Variants in SANBR observed in about 807,000 individuals in gnomAD.
SANBR encodes the protein SANT and BTB domain regulator of class switch recombination.
Under a neutral mutation model 101.8 loss-of-function variants are expected in SANBR, and 77 were observed. The observed-to-expected ratio is 0.76, with a 90% CI of 0.63 to 0.91. The LOEUF (loss-of-function observed/expected upper bound fraction) is 0.91, where lower values mean the gene tolerates loss of function less well. Among genes scored for constraint, SANBR ranks in the 40% least tolerant of loss-of-function variants. The pLI is 0.00. For synonymous variants in SANBR, 279 were observed against 274.7 expected (o/e 1.02, Z -0.15); for missense variants, 875 against 853.0 (o/e 1.03, Z -0.32).
At chr2:61,067,514 G>C (rs1292499450) in intron 1 of SANBR, among the ~76,000 whole-genome samples, 1 of 152,142 alleles carries the variant, frequency 6.6e-6, no homozygotes, top group Non-Finnish European at 1.5e-5. Flanking sequence ...GAGACGGGCG[G>C]ATCACGAGGT....
chr2:61,109,302 G>T lies in SANBR; in HGVS notation c.1744+6G>T. ...AGAAGTATCCAAGAAACAAAGTATT[G>T]GTTTATAAGTTAAAATCAAATCTCC... On this transcript the variant is annotated splice_donor_region_variant and intron_variant, in intron 16 of 21. Coordinates refer to ENST00000402291, the MANE Select transcript of SANBR (RefSeq NM_001129993.3). 6.7e-7 allele frequency: 1 copy of T among 1,485,988 alleles called. No homozygotes were observed. Among genetic ancestry groups the T allele is most frequent in the South Asian group, 1.3e-5 (1 of 76,212 alleles). 92.1% of individuals were successfully genotyped at this position (1,485,988 alleles called of 1,614,324 possible). A position where few individuals can be genotyped will look rare whatever the true frequency, so the allele number is the denominator to read the frequency against.
intron 20 of SANBR, among the ~76,000 whole-genome samples, chr2:61,130,071 G>A (rs1684639105): frequency 6.6e-6 from 1 of 151,674 alleles, no homozygotes; most frequent in African/African-American, 2.4e-5. Flanking sequence ...ATGTATGTAT[G>A]GTAATATATA....
intron 21 of SANBR, among the ~76,000 whole-genome samples, chr2:61,136,855 C>A (rs1394799128): frequency 4.6e-5 from 7 of 151,066 alleles, no homozygotes; most frequent in Non-Finnish European, 1.0e-4. Flanking sequence ...CCTGTAATCC[C>A]AGCTACTTGG....
chr2:61,101,931 G>C (rs1033804109), intron 12 of SANBR, among the ~76,000 whole-genome samples: 2 of 151,870 alleles, frequency 1.3e-5, no homozygotes, highest in African/African-American at 4.8e-5. Context: ...CCAGCTACTC[G>C]GGAGGCAGGA....
chr2:61,130,208 T>A (rs1454148354), intron 20 of SANBR, among the ~76,000 whole-genome samples: 1 of 152,148 alleles, frequency 6.6e-6, no homozygotes, highest in Non-Finnish European at 1.5e-5. Context: ...TATATATTTT[T>A]AAATTATTTC....
Position 61,097,820 on chromosome 2 carries a change from G to C in SANBR, c.1333G>C (p.Val445Leu). Residue 445 changes from valine (V) to leucine (L), a missense_variant, in exon 12 of 22, where the codon GTT becomes CTT. Transcript: ENST00000402291. ...AATTTATCCCTGCTGTAACCAAAAG[G>C]TTCTTCGGTTTGATCCTACTCAGCT... ...TGIYPCCNQK[V>L]LRFDPTQLTK... 6.2e-7 allele frequency: 1 copy of C among 1,613,020 alleles called. No individual in the cohort carries two copies. The highest frequency in any genetic ancestry group is 8.5e-7 in the Non-Finnish European group (1 of 1,179,436).
intron 12 of SANBR, among the ~76,000 whole-genome samples, chr2:61,098,093 T>C (rs547362028): frequency 7.7e-6 from 1 of 130,286 alleles, no homozygotes; most frequent in South Asian, 2.2e-4. Context: ...TGGAGGTTTT[T>C]GTTTTTTGTT....
intron 10 of SANBR, chr2:61,089,050 C>T (rs2104894119): frequency 1.0e-6 from 1 of 971,750 alleles, no homozygotes; most frequent in Non-Finnish European, 1.2e-6. Flanking sequence ...TGGTTAGTGC[C>T]TTTAAAATGC....
At chr2:61,106,779 G>T in intron 14 of SANBR, 117 bp downstream of exon 14, 1 of 602,490 alleles carries the variant, frequency 1.7e-6, no homozygotes, top group East Asian at 3.1e-5. Flanking sequence ...ATCATAAGAA[G>T]GTATTATGCC....
chr2:61,102,789 C>T (rs879471382), intron 12 of SANBR, among the ~76,000 whole-genome samples: 4 of 152,018 alleles, frequency 2.6e-5, no homozygotes, highest in Admixed American at 2.6e-4. Context: ...CTGCTTGCCT[C>T]AGCCTCCCAG....
intron 20 of SANBR, among the ~76,000 whole-genome samples, chr2:61,129,539 T>C (rs999839295): frequency 3.3e-5 from 5 of 152,092 alleles, no homozygotes; most frequent in African/African-American, 1.2e-4. Flanking sequence ...GACATGCATA[T>C]TTCTTTTCTT....
At chr2:61,131,631 A>G (rs1051197708) in intron 20 of SANBR, among the ~76,000 whole-genome samples, 4 of 152,234 alleles carry the variant, frequency 2.6e-5, no homozygotes, top group African/African-American at 9.6e-5. Context: ...CAGATTCACC[A>G]CAGTCTCTAG....
chr2:61,133,268 T>A (rs970363179), intron 20 of SANBR, among the ~76,000 whole-genome samples: 53 of 151,852 alleles, frequency 3.5e-4, no homozygotes, highest in African/African-American at 1.2e-3. Flanking sequence ...AAAAAAAAAA[T>A]TCTTCAGGAC....
At chr2:61,081,769 C>T in intron 7 of SANBR, among the ~76,000 whole-genome samples, 1 of 152,148 alleles carries the variant, frequency 6.6e-6, no homozygotes, top group East Asian at 1.9e-4. Context: ...CCACCTCAGC[C>T]TCCCGAGTAG....
At chr2:61,104,090 C>A (rs1683422992) in intron 13 of SANBR, 92 bp downstream of exon 13, 2 of 1,114,642 alleles carry the variant, frequency 1.8e-6, no homozygotes, top group Non-Finnish European at 2.6e-6. Context: ...AACGTCAGTC[C>A]TCAAGTAGTT....
At chr2:61,073,649 C>A in intron 5 of SANBR, 98 bp downstream of exon 5, 1 of 619,800 alleles carries the variant, frequency 1.6e-6, no homozygotes. Context: ...TTTCATATTG[C>A]ATAATTGCTG....
intron 6 of SANBR, 84 bp downstream of exon 6, chr2:61,077,242 A>T (rs10172306): frequency 0.2 from 186,573 of 935,740 alleles, 20,783 homozygotes; most frequent in Middle Eastern, 0.29. Flanking sequence ...AAATGTGGAA[A>T]ATTGTTTGGA....
rs767816646 is a variant in SANBR at position 61,108,295 on chromosome 2, A to G, written c.1612-22A>G. On this transcript the variant is annotated intron_variant, in intron 14 of 21. Transcript: ENST00000402291. ...AATCTAGGTAAATGCAGATTTATTAATCTCTTATTCCTGTCTTGTAGTTCT... is the reference window on the plus strand; with the variant it reads ...AATCTAGGTAAATGCAGATTTATTAGTCTCTTATTCCTGTCTTGTAGTTCT... 9 of 1,513,790 alleles carry G rather than the reference A, an allele frequency of 5.9e-6. No homozygotes were observed. The South Asian group carries it at 8.5e-5, about 14-fold the overall frequency. 93.8% of individuals were successfully genotyped at this position (1,513,790 alleles called of 1,614,324 possible). A position where few individuals can be genotyped will look rare whatever the true frequency, so the allele number is the denominator to read the frequency against.
intron 20 of SANBR, 89 bp downstream of exon 20, chr2:61,118,205 C>T: frequency 7.1e-6 from 6 of 840,862 alleles, no homozygotes; most frequent in Non-Finnish European, 1.1e-5. Context: ...ATGTCTTAGG[C>T]AGAATTTTAA....
Sources: gnomAD v4.1 joint callset for allele counts (sites outside exome capture counted in the v4.1 genomes callset) on GRCh38, gnomAD v4.1.1 for gene constraint, MANE v1.5 for transcripts, NCBI Gene and HGNC (gene_info 2026-07-23, HGNC 2026-07-21) for gene names.